The following MAP4K3 variants were observed in gnomAD, a reference collection of about 807,000 sequenced individuals.
MAP4K3 encodes MAPK/ERK kinase kinase kinase 3.
Under a neutral mutation model 143.5 loss-of-function variants are expected in MAP4K3, and 94 were observed. The observed-to-expected ratio is 0.65, with a 90% CI of 0.55 to 0.78. The LOEUF (loss-of-function observed/expected upper bound fraction) is 0.78. Ranked by LOEUF, MAP4K3 falls within the 30% of genes least tolerant of loss-of-function variation. The probability of loss-of-function intolerance (pLI) is 0.00; values close to 1 mark genes in which losing one functional copy is unlikely to be tolerated. For missense variants in MAP4K3, 1,077 were observed against 1,068.1 expected (o/e 1.01, Z -0.12); for synonymous variants, 416 against 347.2 (o/e 1.20, Z -2.20).
intron 13 of MAP4K3, among the ~76,000 whole-genome samples, chr2:39,311,771 T>C (rs916151958): frequency 6.6e-6 from 1 of 152,248 alleles, no homozygotes; most frequent in African/African-American, 2.4e-5. Context: ...TGCAACTTTA[T>C]GAGACCTTGA....
At chr2:39,417,321 G>T (rs577499159) in intron 1 of MAP4K3, among the ~76,000 whole-genome samples, 1 of 151,054 alleles carries the variant, frequency 6.6e-6, no homozygotes, top group Non-Finnish European at 1.5e-5. Context: ...CCGGATTCAC[G>T]CCATTCTCCG....
At chr2:39,322,590 A>G (rs1232752367) in intron 12 of MAP4K3, among the ~76,000 whole-genome samples, 1 of 48,114 alleles carries the variant, frequency 2.1e-5, no homozygotes, top group Admixed American at 2.0e-4. Context: ...TAGATGTGGT[A>G]TATGTGTGTG....
intron 15 of MAP4K3, 151 bp from the exon 16 acceptor site, chr2:39,299,952 A>G (rs1054305309): frequency 9.0e-5 from 33 of 365,434 alleles, no homozygotes; most frequent in African/African-American, 5.9e-4. Context: ...GAAGGATTTC[A>G]CGAGTTCATA....
chr2:39,284,510 G>T (rs1368974629), intron 21 of MAP4K3, among the ~76,000 whole-genome samples: 1 of 151,238 alleles, frequency 6.6e-6, no homozygotes, highest in Admixed American at 6.6e-5. Context: ...ATAACTCTCA[G>T]ATTTAACCTA....
At chr2:39,291,440 A>C (rs1212505301) in intron 18 of MAP4K3, among the ~76,000 whole-genome samples, 2 of 152,244 alleles carry the variant, frequency 1.3e-5, no homozygotes, top group East Asian at 3.8e-4. Flanking sequence ...ATGATACAGT[A>C]TAAAATATAT....
At chr2:39,262,757 G>C (rs865914765) in intron 28 of MAP4K3, among the ~76,000 whole-genome samples, 24 of 152,214 alleles carry the variant, frequency 1.6e-4, no homozygotes, top group African/African-American at 5.1e-4. Flanking sequence ...GCCTGCAATA[G>C]GTACATCATG....
chr2:39,254,615 A>C (rs1456586417), intron 31 of MAP4K3, 95 bp from the exon 32 acceptor site: 1 of 828,276 alleles, frequency 1.2e-6, no homozygotes, highest in East Asian at 2.4e-5. Flanking sequence ...CAATATTTCA[A>C]TTCACAACTA....
chr2:39,278,607 T>A, intron 23 of MAP4K3, 121 bp from the exon 24 acceptor site: 1 of 585,930 alleles, frequency 1.7e-6, no homozygotes, highest in East Asian at 2.9e-5. Flanking sequence ...CTATGATTTA[T>A]AAGCAGTGAA....
At chr2:39,343,220 ACTC>A (rs957538050) in intron 4 of MAP4K3, among the ~76,000 whole-genome samples, 165 bp downstream of exon 4, 55 of 152,164 alleles carry the variant, frequency 3.6e-4, no homozygotes, top group African/African-American at 1.2e-3. Context: ...AAAAGCAAAG[ACTC>A]CTCCTTTCTT....
chr2:39,361,099 C>T (rs530262460), intron 2 of MAP4K3, among the ~76,000 whole-genome samples: 2 of 152,258 alleles, frequency 1.3e-5, no homozygotes, highest in East Asian at 1.9e-4. Context: ...AACTTGGTTT[C>T]ACAACTTACT....
At chr2:39,311,500 A>G (rs554816922) in intron 13 of MAP4K3, among the ~76,000 whole-genome samples, 31 of 152,322 alleles carry the variant, frequency 2.0e-4, no homozygotes, top group African/African-American at 7.2e-4. Context: ...ATGCTTCCAC[A>G]TTGGATCAGC....
intron 26 of MAP4K3, among the ~76,000 whole-genome samples, chr2:39,271,533 GCAT>G (rs1681023046): frequency 6.6e-6 from 1 of 152,152 alleles, no homozygotes; most frequent in African/African-American, 2.4e-5. Context: ...AAAGAACAGA[GCAT>G]AATAACAAAT....
intron 3 of MAP4K3, among the ~76,000 whole-genome samples, chr2:39,345,725 C>A (rs1257222358): frequency 6.6e-6 from 1 of 151,888 alleles, no homozygotes; most frequent in Non-Finnish European, 1.5e-5. Context: ...CGAGACCATC[C>A]TGGCTAACAC....
intron 1 of MAP4K3, among the ~76,000 whole-genome samples, chr2:39,416,759 G>T (rs191426783): frequency 3.3e-5 from 5 of 152,246 alleles, no homozygotes; most frequent in Admixed American, 6.5e-5. Context: ...GCATAAAAAA[G>T]AATATTTTTA....
At chr2:39,368,267 A>C (rs2148567801) in intron 2 of MAP4K3, among the ~76,000 whole-genome samples, 1 of 152,320 alleles carries the variant, frequency 6.6e-6, no homozygotes, top group African/African-American at 2.4e-5. Context: ...GGACAGAAAA[A>C]GGAAAAATAG....
intron 12 of MAP4K3, among the ~76,000 whole-genome samples, chr2:39,321,261 G>C (rs544633381): frequency 1.3e-5 from 2 of 152,280 alleles, no homozygotes; most frequent in East Asian, 3.9e-4. Context: ...CTTCTGCCTT[G>C]ACATTCTGTT....
At chr2:39,331,646 G>T (rs1204406488) in intron 8 of MAP4K3, among the ~76,000 whole-genome samples, 1 of 152,096 alleles carries the variant, frequency 6.6e-6, no homozygotes, top group East Asian at 1.9e-4. Flanking sequence ...AGGAAAAAGA[G>T]TCAGGATTTT....
intron 8 of MAP4K3, among the ~76,000 whole-genome samples, chr2:39,326,897 TGTAAGTTTTCTG>T (rs1276732860): frequency 6.6e-6 from 1 of 152,122 alleles, no homozygotes; most frequent in East Asian, 1.9e-4. Context: ...ACTCCATGAT[TGTAAGTTTTCTG>T]AGGCCTCCCC....
At chr2:39,294,806 GCAGTTCT>G (rs1682201927) in intron 16 of MAP4K3, among the ~76,000 whole-genome samples, 2 of 152,054 alleles carry the variant, frequency 1.3e-5, no homozygotes, top group Non-Finnish European at 2.9e-5. Context: ...CCTTAAACTA[GCAGTTCT>G]CAAATTGTGG....
Sources: allele counts gnomAD v4.1 joint callset (sites outside exome capture counted in the v4.1 genomes callset), GRCh38; gene constraint gnomAD v4.1.1; transcripts MANE v1.5; gene names NCBI Gene and HGNC (gene_info 2026-07-23, HGNC 2026-07-21).